The following DIS3L2 variants were observed in gnomAD, a reference collection of about 807,000 sequenced individuals.
DIS3L2 encodes the protein DIS3 like 3'-5' exoribonuclease 2.
DIS3L2 carries 34 observed loss-of-function variants against 97.5 expected under a neutral mutation model. The observed-to-expected ratio is 0.35, with a 90% CI of 0.27 to 0.46. The LOEUF is 0.46. Ranked by LOEUF, DIS3L2 falls within the 20% of genes least tolerant of loss-of-function variation. The probability of loss-of-function intolerance (pLI) is 1.00; values close to 1 mark genes in which losing one functional copy is unlikely to be tolerated. For synonymous variants in DIS3L2, 435 were observed against 445.2 expected (o/e 0.98, Z 0.29); for missense variants, 1,038 against 1,146.0 (o/e 0.91, Z 1.36).
chr2:232,204,843 T>A (rs545809639), intron 9 of DIS3L2, among the ~76,000 whole-genome samples: 1 of 152,240 alleles, frequency 6.6e-6, no homozygotes, highest in African/African-American at 2.4e-5. Flanking sequence ...CCACTGCGGC[T>A]TGCAAGCAGA....
Position 232,070,624 on chromosome 2 carries a change from G to T in DIS3L2, c.367-16863G>T, listed in dbSNP as rs892894878. Among the ~76,000 whole-genome samples the T allele has an allele frequency of 2.7e-5, 4 of 149,018 alleles. No individual in the cohort carries two copies. In the Admixed American group the frequency reaches 2.7e-4, roughly 10 times the overall value. ...TTTTGAGATGGAGTCTCACTCTGTCGCCCAGGCTGGAGTGCAGTGGCGCCA... is the reference window on the plus strand; with the variant it reads ...TTTTGAGATGGAGTCTCACTCTGTCTCCCAGGCTGGAGTGCAGTGGCGCCA... On this transcript the variant is annotated intron_variant, in intron 5 of 20. Transcript: ENST00000325385.
At chr2:232,189,869 A>G (rs1691562028) in intron 9 of DIS3L2, among the ~76,000 whole-genome samples, 1 of 152,220 alleles carries the variant, frequency 6.6e-6, no homozygotes. Context: ...TTGCATTTTA[A>G]TCTACAATTA....
intron 9 of DIS3L2, among the ~76,000 whole-genome samples, chr2:232,202,330 G>A (rs771500361): frequency 3.3e-5 from 5 of 152,084 alleles, no homozygotes; most frequent in East Asian, 1.9e-4. Context: ...CCTGGGAGGC[G>A]GAGGTTGCAG....
chr2:232,343,698 G>A (rs531351936), exon 14 of DIS3L2: 6 of 1,077,410 alleles, frequency 5.6e-6, no homozygotes, highest in South Asian at 4.9e-5. Context: ...TGTGGGTGCT[G>A]ATTTTGTGGA....
At chr2:232,287,421 A>C in intron 13 of DIS3L2, among the ~76,000 whole-genome samples, 1 of 101,350 alleles carries the variant, frequency 9.9e-6, no homozygotes, top group Admixed American at 1.6e-4. Context: ...TTACATAGAG[A>C]CAGGGCCTCA....
At chr2:232,214,889 C>T (rs11901976) in intron 10 of DIS3L2, among the ~76,000 whole-genome samples, 5 of 152,116 alleles carry the variant, frequency 3.3e-5, no homozygotes, top group African/African-American at 1.2e-4. Context: ...TCTTGTTTCT[C>T]TAAAGTTGTA....
chr2:232,210,475 CCCTGTGCTG>C, intron 10 of DIS3L2, 70 bp downstream of exon 10: 1 of 1,391,118 alleles, frequency 7.2e-7, no homozygotes. Flanking sequence ...AGCCTGGCTG[CCCTGTGCTG>C]CCTAGGCAGC....
intron 10 of DIS3L2, among the ~76,000 whole-genome samples, chr2:232,220,088 G>A (rs1363509494): frequency 3.3e-5 from 5 of 150,662 alleles, no homozygotes; most frequent in African/African-American, 1.2e-4. Context: ...CCTGAGCAAC[G>A]TAGCAAAACC....
intron 5 of DIS3L2, among the ~76,000 whole-genome samples, chr2:232,058,766 G>A (rs900767533): frequency 6.6e-6 from 1 of 152,150 alleles, no homozygotes; most frequent in Non-Finnish European, 1.5e-5. Flanking sequence ...GTAAATCCAG[G>A]TTTAAGTCAG....
At chr2:232,204,389 G>A (rs1252018032) in intron 9 of DIS3L2, among the ~76,000 whole-genome samples, 1 of 152,156 alleles carries the variant, frequency 6.6e-6, no homozygotes, top group Non-Finnish European at 1.5e-5. Context: ...CTCTTCATGT[G>A]TTCATTCCCA....
At chr2:232,191,975 C>T (rs886137593) in intron 9 of DIS3L2, among the ~76,000 whole-genome samples, 10 of 152,112 alleles carry the variant, frequency 6.6e-5, no homozygotes, top group South Asian at 2.1e-4. Flanking sequence ...AGGCACTCAC[C>T]GAACATCCCT....
intron 9 of DIS3L2, among the ~76,000 whole-genome samples, chr2:232,209,686 A>G (rs183418990): frequency 9.8e-5 from 15 of 152,294 alleles, no homozygotes; most frequent in Non-Finnish European, 1.0e-4. Context: ...GGATTGAGTC[A>G]GGCATGCTAT....
At chr2:232,147,377 T>C (rs1044015942) in intron 8 of DIS3L2, among the ~76,000 whole-genome samples, 1 of 152,204 alleles carries the variant, frequency 6.6e-6, no homozygotes, top group Admixed American at 6.5e-5. Flanking sequence ...ACTAGTTTTT[T>C]TCTCTTAACC....
intron 11 of DIS3L2, among the ~76,000 whole-genome samples, chr2:232,241,915 C>T (rs571742771): frequency 1.9e-4 from 29 of 152,136 alleles, no homozygotes; most frequent in Non-Finnish European, 2.6e-4. Flanking sequence ...ATTTTAGGTG[C>T]GAAACAGCTC....
chr2:232,343,086 C>A, intron 13 of DIS3L2: 1 of 441,800 alleles, frequency 2.3e-6, no homozygotes, highest in South Asian at 2.7e-5. Flanking sequence ...CCTCCATGTT[C>A]CCCGGCACTG....
chr2:232,193,131 A>G (rs1397804540), intron 9 of DIS3L2, among the ~76,000 whole-genome samples: 1 of 152,120 alleles, frequency 6.6e-6, no homozygotes, highest in African/African-American at 2.4e-5. Context: ...CTTTGTCCCA[A>G]TTTCCAAATT....
chr2:232,000,678 C>CTCTT (rs1255786514), intron 1 of DIS3L2, among the ~76,000 whole-genome samples: 1 of 125,232 alleles, frequency 8.0e-6, no homozygotes, highest in Non-Finnish European at 1.7e-5. Flanking sequence ...CTCTCTTTCT[C>CTCTT]TCTTTCTGTC....
intron 11 of DIS3L2, among the ~76,000 whole-genome samples, chr2:232,247,644 A>AG (rs371616089): frequency 4.6e-4 from 4 of 8,722 alleles, no homozygotes; most frequent in African/African-American, 1.2e-3. Context: ...GGCGGGGGGG[A>AG]GGGTGCCAAT....
intron 9 of DIS3L2, among the ~76,000 whole-genome samples, chr2:232,183,257 G>A (rs929918070): frequency 6.6e-6 from 1 of 152,146 alleles, no homozygotes; most frequent in African/African-American, 2.4e-5. Flanking sequence ...ATAGTATTTT[G>A]TTATAGCAAC....
Sources: gnomAD v4.1 joint callset for allele counts (sites outside exome capture counted in the v4.1 genomes callset) on GRCh38, gnomAD v4.1.1 for gene constraint, MANE v1.5 for transcripts, NCBI Gene and HGNC (gene_info 2026-07-23, HGNC 2026-07-21) for gene names.